DCDC1: variants seen among roughly 807,000 people sequenced by gnomAD.
The protein encoded by DCDC1 is doublecortin domain-containing protein 1.
In DCDC1, 200 loss-of-function variants were observed where a neutral mutation model predicts 178.3. The ratio of observed to expected loss-of-function variants is 1.12; its 90% CI spans 1.00 to 1.26. The LOEUF is 1.26. Ranked by LOEUF, DCDC1 falls within the 50% of genes most tolerant of loss-of-function variation. The probability of loss-of-function intolerance (pLI) is 0.00; values close to 1 mark genes in which losing one functional copy is unlikely to be tolerated. For missense variants in DCDC1, 1,983 were observed against 1,749.2 expected (o/e 1.13, Z -2.38); for synonymous variants, 690 against 604.8 (o/e 1.14, Z -2.07).
At chr11:30,880,937 T>A (rs1229329201) in intron 37 of DCDC1, among the ~76,000 whole-genome samples, 1 of 152,200 alleles carries the variant, frequency 6.6e-6, no homozygotes, top group Non-Finnish European at 1.5e-5. Context: ...TGGATAAGGT[T>A]CAAGATTAAC....
At chr11:31,229,155 T>C (rs1032328169) in intron 9 of DCDC1, among the ~76,000 whole-genome samples, 1 of 152,166 alleles carries the variant, frequency 6.6e-6, no homozygotes, top group Non-Finnish European at 1.5e-5. Context: ...CAGATGGTTT[T>C]ACTAATGAAT....
intron 15 of DCDC1, among the ~76,000 whole-genome samples, chr11:31,096,211 C>T (rs958872351): frequency 6.6e-6 from 1 of 152,188 alleles, no homozygotes; most frequent in African/African-American, 2.4e-5. Flanking sequence ...AGCAACACCA[C>T]CACCTAAGCA....
intron 29 of DCDC1, among the ~76,000 whole-genome samples, chr11:30,907,817 C>T (rs1303008602): frequency 1.3e-5 from 2 of 151,648 alleles, no homozygotes; most frequent in East Asian, 3.9e-4. Flanking sequence ...GCTCGCCAAG[C>T]AAAAAATGGG....
At chr11:31,348,118 T>C (rs977055697) in intron 1 of DCDC1, among the ~76,000 whole-genome samples, 19 of 152,216 alleles carry the variant, frequency 1.2e-4, no homozygotes, top group Admixed American at 9.8e-4. Flanking sequence ...TGCTTACTCT[T>C]ATCTATATTA....
At chr11:30,924,334 G>A (rs1287895504) in intron 23 of DCDC1, among the ~76,000 whole-genome samples, 2 of 152,104 alleles carry the variant, frequency 1.3e-5, no homozygotes, top group South Asian at 2.1e-4. Context: ...CTCTGATGTT[G>A]GCCATTGATA....
At chr11:31,300,317 A>G (rs1948017072) in intron 6 of DCDC1, among the ~76,000 whole-genome samples, 1 of 152,164 alleles carries the variant, frequency 6.6e-6, no homozygotes, top group South Asian at 2.1e-4. Flanking sequence ...CCAGCCAGCT[A>G]TTCTAGAAAG....
intron 20 of DCDC1, among the ~76,000 whole-genome samples, chr11:31,063,916 T>C (rs1486130453): frequency 6.6e-6 from 1 of 152,124 alleles, no homozygotes; most frequent in East Asian, 1.9e-4. Flanking sequence ...AACTTCAGTT[T>C]CTAATGAAAT....
At chr11:31,272,955 C>T (rs1192324041) in intron 7 of DCDC1, among the ~76,000 whole-genome samples, 1 of 152,182 alleles carries the variant, frequency 6.6e-6, no homozygotes, top group East Asian at 1.9e-4. Flanking sequence ...GGCTTGCACC[C>T]TCTGAAGCCA....
chr11:31,098,089 A>G (rs1172493700), intron 15 of DCDC1, among the ~76,000 whole-genome samples: 3 of 152,210 alleles, frequency 2.0e-5, no homozygotes, highest in Admixed American at 2.0e-4. Flanking sequence ...GAAAGGCTAG[A>G]ATTAAAATAA....
intron 32 of DCDC1, among the ~76,000 whole-genome samples, chr11:30,901,441 C>T (rs925271915): frequency 6.6e-6 from 1 of 152,084 alleles, no homozygotes; most frequent in African/African-American, 2.4e-5. Context: ...GAATCCAGGC[C>T]ATCTTCCAGT....
At chr11:31,014,596 A>G (rs1952370439) in intron 20 of DCDC1, among the ~76,000 whole-genome samples, 1 of 152,178 alleles carries the variant, frequency 6.6e-6, no homozygotes, top group Non-Finnish European at 1.5e-5. Flanking sequence ...ATTTTTATAT[A>G]GCAAGAACAT....
At chr11:31,048,255 G>T (rs953201489) in intron 20 of DCDC1, among the ~76,000 whole-genome samples, 1 of 152,138 alleles carries the variant, frequency 6.6e-6, no homozygotes, top group Non-Finnish European at 1.5e-5. Context: ...ATACAAAAAT[G>T]AGAAATTAAT....
chr11:31,132,916 C>T (rs1418866342), intron 10 of DCDC1, among the ~76,000 whole-genome samples: 1 of 152,110 alleles, frequency 6.6e-6, no homozygotes, highest in East Asian at 1.9e-4. Flanking sequence ...ACCCAAACTT[C>T]TGAAAGAATA....
intron 20 of DCDC1, among the ~76,000 whole-genome samples, chr11:31,005,468 C>T (rs1951787253): frequency 6.6e-6 from 1 of 152,206 alleles, no homozygotes; most frequent in Non-Finnish European, 1.5e-5. Context: ...AACTTTAGTG[C>T]AGCTCATGCT....
At chr11:30,872,611 C>G (rs572175431) in intron 38 of DCDC1, among the ~76,000 whole-genome samples, 2 of 152,258 alleles carry the variant, frequency 1.3e-5, no homozygotes, top group Admixed American at 6.5e-5. Flanking sequence ...ATGCCACGCT[C>G]TTTCCTGATT....
intron 20 of DCDC1, among the ~76,000 whole-genome samples, chr11:31,057,265 A>G (rs868600629): frequency 6.9e-4 from 88 of 128,348 alleles, no homozygotes; most frequent in African/African-American, 2.3e-3. Flanking sequence ...GGAAGGAAGG[A>G]AGGGAGGGAG....
intron 9 of DCDC1, among the ~76,000 whole-genome samples, chr11:31,223,515 T>G (rs568362352): frequency 1.3e-5 from 2 of 152,272 alleles, no homozygotes; most frequent in Non-Finnish European, 2.9e-5. Flanking sequence ...TGGAGAAATT[T>G]TAATACATGC....
chr11:31,143,027 C>T (rs939523872), intron 9 of DCDC1, among the ~76,000 whole-genome samples: 1 of 152,084 alleles, frequency 6.6e-6, no homozygotes, highest in East Asian at 1.9e-4. Context: ...CTGTACTAGA[C>T]ATTTTTCCAG....
chr11:31,344,974 C>T (rs766507019), intron 1 of DCDC1, among the ~76,000 whole-genome samples: 1 of 152,156 alleles, frequency 6.6e-6, no homozygotes, highest in Non-Finnish European at 1.5e-5. Flanking sequence ...TATGCATGCT[C>T]TCCCCAACCT....
Sources: allele counts gnomAD v4.1 joint callset (sites outside exome capture counted in the v4.1 genomes callset), GRCh38; gene constraint gnomAD v4.1.1; transcripts MANE v1.5; gene names NCBI Gene and HGNC (gene_info 2026-07-23, HGNC 2026-07-21).